The following HDAC9 variants were observed in gnomAD, a reference collection of about 807,000 sequenced individuals.
The protein encoded by HDAC9 is histone deacetylase 9.
A neutral mutation model predicts 139.4 loss-of-function variants in HDAC9; 41 were observed. That is an observed-to-expected ratio of 0.29 (90% CI 0.23 to 0.38). The LOEUF is 0.38. Ranked by LOEUF, HDAC9 falls within the 10% of genes least tolerant of loss-of-function variation. The pLI is 1.00. For missense variants in HDAC9, 1,147 were observed against 1,297.0 expected (o/e 0.88, Z 1.78); for synonymous variants, 517 against 476.2 (o/e 1.09, Z -1.12).
At chr7:18,897,308 C>A (rs1473762919) in intron 22 of HDAC9, among the ~76,000 whole-genome samples, 2 of 151,858 alleles carry the variant, frequency 1.3e-5, no homozygotes, top group Non-Finnish European at 2.9e-5. Context: ...TAAAGCCTTT[C>A]AAATGATCGC....
chr7:18,436,458 T>C (rs1791211935), intron 1 of HDAC9, among the ~76,000 whole-genome samples: 1 of 152,164 alleles, frequency 6.6e-6, no homozygotes. Context: ...AAAATCCATA[T>C]GTGGTTTTGT....
intron 1 of HDAC9, among the ~76,000 whole-genome samples, chr7:18,359,093 C>T (rs189865038): frequency 3.9e-5 from 6 of 152,332 alleles, no homozygotes; most frequent in East Asian, 1.9e-4. Context: ...CAGTGGCTCA[C>T]GCCTGTAATC....
chr7:18,831,791 G>C (rs61141393), intron 19 of HDAC9, among the ~76,000 whole-genome samples: 1 of 151,362 alleles, frequency 6.6e-6, no homozygotes, highest in Non-Finnish European at 1.5e-5. Context: ...TGGCTTTTCC[G>C]TAGCCAAAAA....
chr7:18,562,185 T>C (rs1267101665), intron 2 of HDAC9, among the ~76,000 whole-genome samples: 2 of 152,178 alleles, frequency 1.3e-5, no homozygotes, highest in African/African-American at 4.8e-5. Flanking sequence ...GGGTCATTTT[T>C]ATTTTGATTA....
intron 16 of HDAC9, among the ~76,000 whole-genome samples, chr7:18,792,680 C>A (rs1434851712): frequency 6.6e-6 from 1 of 152,160 alleles, no homozygotes. Context: ...TGAACTGAAA[C>A]AATCTGACAA....
intron 1 of HDAC9, among the ~76,000 whole-genome samples, chr7:18,355,248 C>A (rs1354211579): frequency 6.6e-6 from 1 of 152,090 alleles, no homozygotes; most frequent in African/African-American, 2.4e-5. Flanking sequence ...ATTAAGTACC[C>A]TTCTCAGGGT....
intron 6 of HDAC9, among the ~76,000 whole-genome samples, chr7:18,615,864 C>CCTAAACCAAT (rs1838434376): frequency 1.3e-5 from 2 of 152,146 alleles, no homozygotes; most frequent in Non-Finnish European, 2.9e-5. Context: ...AACTTAGTTG[C>CCTAAACCAAT]CTAAACCAAT....
chr7:18,557,337 G>A (rs994497106), intron 2 of HDAC9, among the ~76,000 whole-genome samples: 2 of 137,030 alleles, frequency 1.5e-5, no homozygotes, highest in African/African-American at 5.2e-5. Flanking sequence ...AAGCAATGAT[G>A]AGTTTTTTTT....
At chr7:18,489,039 AAC>A (rs569349911) in intron 1 of HDAC9, among the ~76,000 whole-genome samples, 86 of 152,062 alleles carry the variant, frequency 5.7e-4, no homozygotes, top group Non-Finnish European at 1.2e-3. Context: ...TAAAATGAAT[AAC>A]AATGAAATAT....
At chr7:18,691,950 C>T (rs1782704433) in intron 12 of HDAC9, among the ~76,000 whole-genome samples, 1 of 151,952 alleles carries the variant, frequency 6.6e-6, no homozygotes, top group African/African-American at 2.4e-5. Flanking sequence ...AGAGGGCAGA[C>T]CCTGCAGTGA....
chr7:18,415,940 T>C (rs1439049796), intron 1 of HDAC9, among the ~76,000 whole-genome samples: 1 of 152,178 alleles, frequency 6.6e-6, no homozygotes, highest in East Asian at 1.9e-4. Flanking sequence ...TAAACTTCAC[T>C]TGGTCATGAT....
At chr7:18,945,446 C>A (rs747262731) in intron 23 of HDAC9, among the ~76,000 whole-genome samples, 4 of 152,022 alleles carry the variant, frequency 2.6e-5, no homozygotes, top group Non-Finnish European at 5.9e-5. Context: ...GTCTTTTCAC[C>A]GTCTTAAAGG....
chr7:18,981,159 A>C (rs909149016), intron 25 of HDAC9, among the ~76,000 whole-genome samples: 2 of 152,006 alleles, frequency 1.3e-5, no homozygotes, highest in African/African-American at 4.8e-5. Flanking sequence ...ATCATTCAGT[A>C]ATCTATAATA....
intron 1 of HDAC9, among the ~76,000 whole-genome samples, chr7:18,293,308 C>CTT (rs5882655): frequency 6.7e-6 from 1 of 148,796 alleles, no homozygotes; most frequent in East Asian, 2.0e-4. Flanking sequence ...TTCTTAGATT[C>CTT]TTTTTTTTTT....
At chr7:18,496,541 T>G in intron 2 of HDAC9, 1 of 534,530 alleles carries the variant, frequency 1.9e-6, no homozygotes, top group Non-Finnish European at 3.3e-6. Flanking sequence ...TGAATGAAAT[T>G]GCAAACTATT....
intron 2 of HDAC9, among the ~76,000 whole-genome samples, chr7:18,179,246 A>G (rs1314316215): frequency 6.6e-6 from 1 of 152,262 alleles, no homozygotes; most frequent in Non-Finnish European, 1.5e-5. Context: ...TGACTGATGC[A>G]ATAGTCCAGC....
At chr7:18,250,256 T>C (rs945507971) in intron 2 of HDAC9, among the ~76,000 whole-genome samples, 8 of 152,238 alleles carry the variant, frequency 5.3e-5, no homozygotes, top group African/African-American at 1.9e-4. Context: ...TCTAAAACAA[T>C]GTGATTATTT....
At chr7:18,994,116 G>T (rs1277603976) in intron 25 of HDAC9, among the ~76,000 whole-genome samples, 1 of 152,130 alleles carries the variant, frequency 6.6e-6, no homozygotes, top group African/African-American at 2.4e-5. Context: ...CCACCACAGA[G>T]ACATGTGGAT....
intron 1 of HDAC9, among the ~76,000 whole-genome samples, chr7:18,094,123 A>G (rs1041948395): frequency 3.9e-5 from 6 of 152,210 alleles, no homozygotes; most frequent in Non-Finnish European, 8.8e-5. Flanking sequence ...GTGCACACCT[A>G]TGGACTACTC....
Sources: gnomAD v4.1 joint callset for allele counts (sites outside exome capture counted in the v4.1 genomes callset) on GRCh38, gnomAD v4.1.1 for gene constraint, MANE v1.5 for transcripts, NCBI Gene and HGNC (gene_info 2026-07-23, HGNC 2026-07-21) for gene names.